ROBO2: variants seen among roughly 807,000 people sequenced by gnomAD.
ROBO2 encodes roundabout homolog 2.
Under a neutral mutation model 160.8 loss-of-function variants are expected in ROBO2, and 53 were observed. The ratio of observed to expected loss-of-function variants is 0.33; its 90% CI spans 0.26 to 0.41. The LOEUF is 0.41. Among genes scored for constraint, ROBO2 ranks in the 10% least tolerant of loss-of-function variants. ROBO2 has a pLI of 1.00. For missense variants in ROBO2, 1,577 were observed against 1,722.4 expected, an observed-to-expected ratio of 0.92 and a Z score of 1.49; for synonymous variants, 664 against 611.7, an observed-to-expected ratio of 1.09 and a Z score of -1.26.
At chr3:77,062,604 G>C (rs1054456393) in intron 1 of ROBO2, among the ~76,000 whole-genome samples, 6 of 152,108 alleles carry the variant, frequency 3.9e-5, no homozygotes, top group South Asian at 2.1e-4. Context: ...TCACACTTCT[G>C]ACACCAGAGC....
chr3:76,762,674 C>T (rs1293955401), intron 2 of ROBO2, among the ~76,000 whole-genome samples: 3 of 151,472 alleles, frequency 2.0e-5, no homozygotes, highest in South Asian at 2.1e-4. Context: ...ACCTATGATT[C>T]GAAAAAGTTG....
intron 2 of ROBO2, among the ~76,000 whole-genome samples, chr3:76,485,826 T>A (rs1174935144): frequency 1.3e-5 from 2 of 152,142 alleles, no homozygotes; most frequent in Non-Finnish European, 2.9e-5. Context: ...TAGTCGTGGA[T>A]CTTAAAATAA....
intron 2 of ROBO2, among the ~76,000 whole-genome samples, chr3:76,831,589 C>T (rs267154): frequency 0.079 from 11,986 of 152,154 alleles, 636 homozygotes; most frequent in Non-Finnish European, 0.13. Context: ...TGACTCAACT[C>T]GTTATAGGAG....
chr3:76,987,674 T>C (rs769903718), intron 2 of ROBO2, among the ~76,000 whole-genome samples: 2 of 152,212 alleles, frequency 1.3e-5, no homozygotes, highest in Non-Finnish European at 2.9e-5. Context: ...AAATCAGTAA[T>C]TTTAAATTTG....
At chr3:77,302,109 AT>A (rs535965352) in intron 2 of ROBO2, among the ~76,000 whole-genome samples, 1,645 of 144,998 alleles carry the variant, frequency 0.011, 5 homozygotes, top group African/African-American at 0.013. Context: ...AAGTAAAGAC[AT>A]TTTTTTTTTT....
chr3:77,501,392 G>A (rs1399062698), intron 5 of ROBO2, among the ~76,000 whole-genome samples: 1 of 152,092 alleles, frequency 6.6e-6, no homozygotes, highest in Non-Finnish European at 1.5e-5. Context: ...ATGCAAATAA[G>A]TTTTAATCAC....
chr3:76,500,263 C>T (rs751341140), intron 2 of ROBO2, among the ~76,000 whole-genome samples: 5 of 152,174 alleles, frequency 3.3e-5, no homozygotes, highest in South Asian at 2.1e-4. Context: ...ACACTACAGG[C>T]GAAGGCCACC....
At chr3:76,697,118 A>G (rs566264920) in intron 2 of ROBO2, among the ~76,000 whole-genome samples, 1 of 152,324 alleles carries the variant, frequency 6.6e-6, no homozygotes, top group South Asian at 2.1e-4. Context: ...TATCATTGAC[A>G]CATGGTATTG....
intron 2 of ROBO2, among the ~76,000 whole-genome samples, chr3:76,216,903 G>C (rs1316447219): frequency 5.3e-5 from 8 of 152,078 alleles, no homozygotes; most frequent in Non-Finnish European, 1.0e-4. Context: ...TGACCACATA[G>C]TTGGAAGTAA....
chr3:76,101,271 GA>G (rs1449950173), intron 2 of ROBO2, among the ~76,000 whole-genome samples: 5 of 152,082 alleles, frequency 3.3e-5, no homozygotes, highest in African/African-American at 1.2e-4. Flanking sequence ...TCATAGTTGT[GA>G]AAAAAATTGA....
Position 76,108,442 on chromosome 3 carries a change from A to G in ROBO2, c.109+170840A>G, listed in dbSNP as rs572497163. On this transcript the variant is annotated intron_variant, in intron 2 of 26. Coordinates refer to the ROBO2 transcript ENST00000487694. ...TCACCAATAAATTACATTGAATATC[A>G]TCACTGTGACTCTTATATTCATATC... is the stretch of plus-strand genomic sequence containing the variant. 1.2e-4 allele frequency among the ~76,000 whole-genome samples: 18 copies of G among 152,146 alleles called. 2 individuals are homozygous for G. The East Asian group carries it at 3.3e-3, about 28-fold the overall frequency.
chr3:76,113,576 G>A (rs1183788972), intron 2 of ROBO2, among the ~76,000 whole-genome samples: 1 of 152,058 alleles, frequency 6.6e-6, no homozygotes, highest in Non-Finnish European at 1.5e-5. Flanking sequence ...TGAGTCATAG[G>A]AATATCGGAG....
chr3:76,595,666 G>A (rs1279735794), intron 2 of ROBO2, among the ~76,000 whole-genome samples: 1 of 152,026 alleles, frequency 6.6e-6, no homozygotes. Context: ...TGCACGGAAA[G>A]GCCAAGACCA....
chr3:76,426,047 A>C (rs1362160350), intron 2 of ROBO2, among the ~76,000 whole-genome samples: 2 of 152,184 alleles, frequency 1.3e-5, no homozygotes, highest in African/African-American at 4.8e-5. Flanking sequence ...GAAGATTGTC[A>C]AGTGTTTGTG....
chr3:76,661,858 C>T lies in ROBO2; in HGVS notation c.110-436156C>T, dbSNP rs2091835125. On this transcript the variant is annotated intron_variant, in intron 2 of 26. Transcript: ENST00000487694. ...GATTGTCTACAGAATGTAAATTTTC[C>T]TCACAAGAGACAGCTTTGCAGGGTC... 2.0e-5 allele frequency among the ~76,000 whole-genome samples: 3 copies of T among 152,112 alleles called. No homozygotes were observed. In the South Asian group the frequency reaches 6.2e-4, roughly 32 times the overall value.
chr3:77,341,063 A>C (rs935092109), intron 2 of ROBO2, among the ~76,000 whole-genome samples: 1 of 152,148 alleles, frequency 6.6e-6, no homozygotes, highest in Non-Finnish European at 1.5e-5. Flanking sequence ...TGAAATTCAA[A>C]TTTTGGTGTT....
At chr3:76,191,314 C>T (rs1217410315) in intron 2 of ROBO2, among the ~76,000 whole-genome samples, 2 of 152,204 alleles carry the variant, frequency 1.3e-5, no homozygotes, top group African/African-American at 2.4e-5. Context: ...GATCAATACG[C>T]GTCCCAGGTT....
chr3:77,317,880 G>A (rs1270557482), intron 2 of ROBO2, among the ~76,000 whole-genome samples: 1 of 77,290 alleles, frequency 1.3e-5, no homozygotes, highest in Non-Finnish European at 2.5e-5. Flanking sequence ...CTGCTGGGGG[G>A]CTGCTGGGGG....
intron 2 of ROBO2, among the ~76,000 whole-genome samples, chr3:76,197,442 G>C (rs1252874872): frequency 6.6e-6 from 1 of 151,492 alleles, no homozygotes; most frequent in Non-Finnish European, 1.5e-5. Context: ...TTCTCCTTTT[G>C]GGGAGTGATA....
Sources: allele counts gnomAD v4.1 joint callset (sites outside exome capture counted in the v4.1 genomes callset), GRCh38; gene constraint gnomAD v4.1.1; transcripts MANE v1.5; gene names NCBI Gene and HGNC (gene_info 2026-07-23, HGNC 2026-07-21).